EXOC2: variants seen among roughly 807,000 people sequenced by gnomAD.
EXOC2 encodes SEC5-like 1.
In EXOC2, 70 loss-of-function variants were observed where a neutral mutation model predicts 131.8. That is an observed-to-expected ratio of 0.53 (90% CI 0.44 to 0.65). EXOC2 has a LOEUF of 0.65. Ranked by LOEUF, EXOC2 falls within the 30% of genes least tolerant of loss-of-function variation. The pLI, the probability that EXOC2 is intolerant of heterozygous loss-of-function variation, is 0.00. For synonymous variants in EXOC2, 411 were observed against 398.4 expected, an observed-to-expected ratio of 1.03 and a Z score of -0.38; for missense variants, 923 against 1,108.6, an observed-to-expected ratio of 0.83 and a Z score of 2.38.
At chr6:603,013 G>T (rs1202762306) in intron 7 of EXOC2, among the ~76,000 whole-genome samples, 1 of 152,172 alleles carries the variant, frequency 6.6e-6, no homozygotes, top group Non-Finnish European at 1.5e-5. Context: ...TTTCAACCAT[G>T]TTTATTTAAA....
At chr6:522,024 A>G (rs949162378) in intron 23 of EXOC2, among the ~76,000 whole-genome samples, 2 of 152,226 alleles carry the variant, frequency 1.3e-5, no homozygotes, top group African/African-American at 4.8e-5. Context: ...CCTATCATCT[A>G]TGGCTTGAGT....
At chr6:627,662 A>G (rs909260070) in intron 4 of EXOC2, among the ~76,000 whole-genome samples, 1 of 151,884 alleles carries the variant, frequency 6.6e-6, no homozygotes, top group African/African-American at 2.4e-5. Context: ...GGCATTTCTC[A>G]TTGCGTATGT....
intron 21 of EXOC2, among the ~76,000 whole-genome samples, chr6:551,963 G>C (rs770562579): frequency 1.9e-4 from 29 of 152,156 alleles, no homozygotes; most frequent in Non-Finnish European, 3.2e-4. Context: ...TTCAGTGAGG[G>C]TAGGGTTCCC....
intron 20 of EXOC2, among the ~76,000 whole-genome samples, 153 bp downstream of exon 20, chr6:555,074 T>A (rs1489600578): frequency 6.6e-6 from 1 of 152,190 alleles, no homozygotes; most frequent in Non-Finnish European, 1.5e-5. Flanking sequence ...ATGGAAAGAA[T>A]ATAGGTCGAA....
At chr6:583,114 T>A (rs1170639431) in intron 11 of EXOC2, among the ~76,000 whole-genome samples, 3 of 152,248 alleles carry the variant, frequency 2.0e-5, no homozygotes, top group Admixed American at 6.5e-5. Context: ...CTATGTCTTT[T>A]AGCAGTTTCA....
At chr6:560,952 C>T (rs1036707110) in intron 17 of EXOC2, among the ~76,000 whole-genome samples, 1 of 152,048 alleles carries the variant, frequency 6.6e-6, no homozygotes, top group African/African-American at 2.4e-5. Flanking sequence ...AGGTGATCCG[C>T]CCGCCTGAGC....
At chr6:505,481 C>G (rs1332494182) in intron 23 of EXOC2, among the ~76,000 whole-genome samples, 1 of 152,194 alleles carries the variant, frequency 6.6e-6, no homozygotes, top group African/African-American at 2.4e-5. Flanking sequence ...GTAGCTTTCT[C>G]CTTTGTAAAA....
intron 1 of EXOC2, among the ~76,000 whole-genome samples, chr6:691,076 T>C (rs1400850563): frequency 6.6e-6 from 1 of 152,246 alleles, no homozygotes; most frequent in Non-Finnish European, 1.5e-5. Flanking sequence ...AGTGGAAAAG[T>C]AACTGAGAGG....
Position 572,636 on chromosome 6 carries a change from A to C in EXOC2, c.1327T>G (p.Tyr443Asp), listed in dbSNP as rs756200825. ...FQSGRDDTWR[Y>D]KTPHRVAFVE... ...AAGGCCACCCTGTGGGGAGTTTTGTATCTCCACGCTAAGGGGGAAAAGAAT... is the reference window on the plus strand; with the variant it reads ...AAGGCCACCCTGTGGGGAGTTTTGTCTCTCCACGCTAAGGGGGAAAAGAAT... Residue 443 changes from tyrosine (Y) to aspartate (D), a missense_variant, in exon 13 of 28, where the codon TAC becomes GAC. Physicochemically the swap from Tyr to Asp is radical, Grantham distance 160. Coordinates refer to ENST00000230449, the MANE Select transcript of EXOC2 (RefSeq NM_018303.6). 6.2e-7 allele frequency: 1 copy of C among 1,613,632 alleles called. No homozygotes were observed. Among genetic ancestry groups the C allele is most frequent in the Non-Finnish European group, 8.5e-7 (1 of 1,179,866 alleles).
chr6:566,382 C>T (rs948268829), intron 13 of EXOC2, among the ~76,000 whole-genome samples: 4 of 152,226 alleles, frequency 2.6e-5, no homozygotes, highest in Non-Finnish European at 4.4e-5. Context: ...AACACAGCCA[C>T]ACTGAGACAG....
At chr6:595,302 C>G (rs1213097545) in intron 10 of EXOC2, among the ~76,000 whole-genome samples, 1 of 152,044 alleles carries the variant, frequency 6.6e-6, no homozygotes, top group Non-Finnish European at 1.5e-5. Flanking sequence ...AAAGCTATCT[C>G]TATTCCTACT....
At chr6:561,845 G>A (rs1581441934) in intron 17 of EXOC2, among the ~76,000 whole-genome samples, 1 of 152,308 alleles carries the variant, frequency 6.6e-6, no homozygotes, top group East Asian at 1.9e-4. Flanking sequence ...GCCTCCAAAA[G>A]TGCTGGGATT....
intron 23 of EXOC2, among the ~76,000 whole-genome samples, chr6:515,239 T>A (rs1354381767): frequency 2.6e-5 from 4 of 151,992 alleles, no homozygotes; most frequent in African/African-American, 9.7e-5. Flanking sequence ...CCACTCCACC[T>A]CACCCTACCC....
chr6:571,961 C>T (rs1287046838), intron 13 of EXOC2, among the ~76,000 whole-genome samples: 1 of 152,198 alleles, frequency 6.6e-6, no homozygotes, highest in Admixed American at 6.5e-5. Flanking sequence ...TGCTATCAGT[C>T]ATATGATGAT....
chr6:535,457 A>C (rs1405979227), intron 22 of EXOC2, among the ~76,000 whole-genome samples: 1 of 152,204 alleles, frequency 6.6e-6, no homozygotes, highest in Admixed American at 6.5e-5. Flanking sequence ...AAAGAAAAAA[A>C]CCCACATATT....
At chr6:534,469 G>A (rs1766314376) in intron 22 of EXOC2, among the ~76,000 whole-genome samples, 1 of 152,022 alleles carries the variant, frequency 6.6e-6, no homozygotes, top group Non-Finnish European at 1.5e-5. Flanking sequence ...GAGACAGACT[G>A]ACTTTCAAGC....
intron 23 of EXOC2, among the ~76,000 whole-genome samples, chr6:504,152 A>T (rs1764390858): frequency 6.6e-6 from 1 of 151,790 alleles, no homozygotes; most frequent in Non-Finnish European, 1.5e-5. Flanking sequence ...GCTGGCAGCC[A>T]GGGTAAAGGC....
At chr6:653,571 C>A (rs1762927532) in intron 1 of EXOC2, among the ~76,000 whole-genome samples, 3 of 152,196 alleles carry the variant, frequency 2.0e-5, no homozygotes, top group Admixed American at 1.3e-4. Flanking sequence ...AGTGAGGAAG[C>A]TGCAGAAGAA....
At chr6:539,074 A>G (rs1766643708) in intron 22 of EXOC2, among the ~76,000 whole-genome samples, 1 of 514 alleles carries the variant, frequency 1.9e-3, no homozygotes, top group African/African-American at 0.045. Context: ...TGTCTGAAGA[A>G]AAAAAAAAAA....
Sources: allele counts gnomAD v4.1 joint callset (sites outside exome capture counted in the v4.1 genomes callset), GRCh38; gene constraint gnomAD v4.1.1; transcripts MANE v1.5; gene names NCBI Gene and HGNC (gene_info 2026-07-23, HGNC 2026-07-21).